Variants in GUSB observed in about 807,000 individuals in gnomAD.
GUSB encodes the protein beta-glucuronidase.
Under a neutral mutation model 74.6 loss-of-function variants are expected in GUSB, and 51 were observed. The observed-to-expected ratio is 0.68, with a 90% CI of 0.55 to 0.86. The LOEUF is 0.86. Among genes scored for constraint, GUSB ranks in the 40% least tolerant of loss-of-function variants. The probability of loss-of-function intolerance (pLI) is 0.00; values close to 1 mark genes in which losing one functional copy is unlikely to be tolerated. For missense variants in GUSB, 736 were observed against 853.7 expected, an observed-to-expected ratio of 0.86 and a Z score of 1.72; for synonymous variants, 360 against 348.3, an observed-to-expected ratio of 1.03 and a Z score of -0.37.
rs371485895 is a variant in GUSB at position 65,976,219 on chromosome 7, A to G, written c.725-17T>C. 7 of 1,598,246 alleles carry G rather than the reference A, an allele frequency of 4.4e-6. No individual in the cohort carries two copies. The highest frequency in any genetic ancestry group is 1.1e-5 in the South Asian group (1 of 90,778). On this transcript the variant is annotated splice_polypyrimidine_tract_variant and intron_variant, in intron 4 of 11. Coordinates refer to ENST00000304895, the MANE Select transcript of GUSB (RefSeq NM_000181.4). ...TCACCAGCCCTGCAAGAAACAAGAG[A>G]GACCAGGGCTGAGGGAGGGACACGA...
At chr7:65,970,446 T>G in intron 8 of GUSB, 80 bp from the exon 9 acceptor site, 2 of 886,486 alleles carry the variant, frequency 2.3e-6, no homozygotes, top group Admixed American at 3.7e-5. Flanking sequence ...CTGTCCCATC[T>G]TCCACCGCCA....
At chr7:65,977,887 T>C (rs972982393) in intron 4 of GUSB, among the ~76,000 whole-genome samples, 3 of 152,132 alleles carry the variant, frequency 2.0e-5, no homozygotes, top group African/African-American at 4.8e-5. Context: ...CTCAGCTCAC[T>C]GCAAGCTCTG....
intron 10 of GUSB, among the ~76,000 whole-genome samples, chr7:65,967,381 G>A (rs1326717862): frequency 6.6e-6 from 1 of 152,124 alleles, no homozygotes; most frequent in Non-Finnish European, 1.5e-5. Flanking sequence ...TTGAGCCCAG[G>A]AGGTTAAGGC....
intron 1 of GUSB, among the ~76,000 whole-genome samples, chr7:65,981,336 A>G (rs1008851538): frequency 4.0e-5 from 6 of 149,718 alleles, no homozygotes; most frequent in Admixed American, 1.4e-4. Context: ...GGTTCAAGCA[A>G]TTCTCCTGAC....
At chr7:65,967,603 G>A in intron 10 of GUSB, 128 bp downstream of exon 10, 1 of 805,366 alleles carries the variant, frequency 1.2e-6, no homozygotes. Flanking sequence ...AACGTGGACG[G>A]GGCCGTGGGA....
At chr7:65,975,848 CA>C (rs112120049) in intron 5 of GUSB, 166 bp downstream of exon 5, 164,300 of 432,508 alleles carry the variant, frequency 0.38, 7,623 homozygotes, top group East Asian at 0.45. Flanking sequence ...GAGACCATCT[CA>C]AAAAAAAAAA....
chr7:65,960,867 G>A lies in GUSB; in HGVS notation c.*30C>T. ...GTGGAAGTCGCCCTGACTCGGGGAGGAAGGGACACGCAGGTGGTATCAGTC... is the reference window on the plus strand; with the variant it reads ...GTGGAAGTCGCCCTGACTCGGGGAGAAAGGGACACGCAGGTGGTATCAGTC... On this transcript the variant is annotated 3_prime_UTR_variant, in exon 12 of 12. Transcript: ENST00000304895. 20 of 1,597,878 alleles carry A rather than the reference G, an allele frequency of 1.3e-5. No individual in the cohort carries two copies. Among genetic ancestry groups the A allele is most frequent in the Non-Finnish European group, 1.7e-5 (20 of 1,165,302 alleles).
chr7:65,969,352 C>T (rs1791049181), intron 9 of GUSB, among the ~76,000 whole-genome samples: 1 of 152,044 alleles, frequency 6.6e-6, no homozygotes, highest in Non-Finnish European at 1.5e-5. Flanking sequence ...TCACTCAAGC[C>T]TGGGCAACAG....
chr7:65,980,442 G>A (rs1278714576), intron 1 of GUSB, 33 bp from the exon 2 acceptor site: 6 of 1,592,922 alleles, frequency 3.8e-6, no homozygotes, highest in Non-Finnish European at 4.3e-6. Context: ...CAGCTCCTAG[G>A]CCCCCAAAAG....
intron 8 of GUSB, among the ~76,000 whole-genome samples, chr7:65,972,844 C>A (rs1321448904): frequency 6.6e-6 from 1 of 152,190 alleles, no homozygotes; most frequent in Non-Finnish European, 1.5e-5. Flanking sequence ...CCCCCAAGCT[C>A]TGAATTGTCC....
rs753065037 is a variant in GUSB at position 65,979,760 on chromosome 7, G to A, written c.548C>T (p.Pro183Leu). ...GTCAGTCAGGTATTGGATGGTCCCT[G>A]GTGGCAGGGTGGTGGGGGTGAGTGT... ...NNTLTPTTLP[P>L]GTIQYLTDTS... Residue 183 changes from proline (P) to leucine (L), a missense_variant, in exon 3 of 12, where the codon CCA (proline) becomes CTA (leucine). Transcript: ENST00000304895. The A allele has an allele frequency of 2.6e-5, 42 of 1,613,754 alleles. No homozygotes were observed. The highest frequency in any genetic ancestry group is 3.5e-5 in the Non-Finnish European group (41 of 1,180,028).
chr7:65,963,121 G>A (rs1236557518), intron 11 of GUSB, among the ~76,000 whole-genome samples: 6 of 152,086 alleles, frequency 3.9e-5, no homozygotes, highest in Non-Finnish European at 7.3e-5. Flanking sequence ...GCCTCCCAAA[G>A]TGCTGGGATC....
chr7:65,965,912 T>C (rs1790800344), intron 10 of GUSB, among the ~76,000 whole-genome samples: 1 of 152,136 alleles, frequency 6.6e-6, no homozygotes, highest in Admixed American at 6.5e-5. Context: ...GGCTCATGCC[T>C]GTAATCCCAG....
intron 2 of GUSB, 40 bp downstream of exon 2, chr7:65,980,184 T>TGGGGGGGG: frequency 1.1e-5 from 8 of 720,096 alleles, no homozygotes; most frequent in Non-Finnish European, 1.7e-5. Context: ...TCAGCAGCCG[T>TGGGGGGGG]GCCCCCCCAC....
intron 10 of GUSB, 26 bp downstream of exon 10, chr7:65,967,705 C>T: frequency 6.3e-7 from 1 of 1,599,366 alleles, no homozygotes; most frequent in Non-Finnish European, 8.6e-7. Flanking sequence ...AGAGAACACA[C>T]AAGCAGAAAG....
At position 65,982,169 on chromosome 7, in the gene GUSB, C is replaced by T. The variant is rs1285511679; in HGVS notation, c.15G>A (p.Ser5=). Reference sequence around the variant, plus strand: ...GCCCGAGCGCCGCCCAGGCAACCGCCGACCCCCGGGCCATGCTTCCCGGTC... The same window carrying T: ...GCCCGAGCGCCGCCCAGGCAACCGCTGACCCCCGGGCCATGCTTCCCGGTC... MARG[S]AVAWAALGPL... The change falls in exon 1 of 12, where the codon TCG becomes TCA. Residue 5 remains serine, a synonymous_variant. Coordinates refer to ENST00000304895, the MANE Select transcript of GUSB (RefSeq NM_000181.4). The T allele has an allele frequency of 1.3e-5, 20 of 1,515,464 alleles. No homozygotes were observed. Among genetic ancestry groups the T allele is most frequent in the Non-Finnish European group, 1.8e-5 (20 of 1,131,332 alleles). 93.9% of individuals were successfully genotyped at this position (1,515,464 alleles called of 1,614,324 possible).
At chr7:65,981,110 C>A (rs550919882) in intron 1 of GUSB, among the ~76,000 whole-genome samples, 1 of 152,140 alleles carries the variant, frequency 6.6e-6, no homozygotes, top group African/African-American at 2.4e-5. Flanking sequence ...GTGGGTGGCT[C>A]ATGCCAGTAA....
chr7:65,975,490 T>G (rs1443531866), intron 5 of GUSB: 2 of 262,936 alleles, frequency 7.6e-6, no homozygotes, highest in Non-Finnish European at 1.5e-5. Context: ...GTTCAAGCAA[T>G]TCTCCTGCCT....
chr7:65,964,157 A>G, intron 11 of GUSB, 166 bp downstream of exon 11: 1 of 737,686 alleles, frequency 1.4e-6, no homozygotes, highest in Non-Finnish European at 2.4e-6. Flanking sequence ...TACTTCCTAA[A>G]CACAACTTAC....
Sources: gnomAD v4.1 joint callset for allele counts (sites outside exome capture counted in the v4.1 genomes callset) on GRCh38, gnomAD v4.1.1 for gene constraint, MANE v1.5 for transcripts, NCBI Gene and HGNC (gene_info 2026-07-23, HGNC 2026-07-21) for gene names.